RSRC1: variants seen among roughly 807,000 people sequenced by gnomAD.
RSRC1 encodes the protein arginine and serine rich coiled-coil 1, also known as serine/Arginine-related protein 53.
Under a neutral mutation model 49.1 loss-of-function variants are expected in RSRC1, and 39 were observed. That is an observed-to-expected ratio of 0.79 (90% CI 0.61 to 1.04). RSRC1 has a LOEUF of 1.04. Ranked by LOEUF, RSRC1 falls within the 50% of genes least tolerant of loss-of-function variation. RSRC1 has a pLI of 0.00. For synonymous variants in RSRC1, 143 were observed against 130.8 expected (o/e 1.09, Z -0.63); for missense variants, 388 against 402.4 (o/e 0.96, Z 0.31).
chr3:158,325,886 G>T (rs1172611828), intron 5 of RSRC1, among the ~76,000 whole-genome samples: 3 of 152,102 alleles, frequency 2.0e-5, no homozygotes, highest in Non-Finnish European at 4.4e-5. Flanking sequence ...CCATTTGTTT[G>T]TATCCTCTTT....
Position 158,509,829 on chromosome 3 carries a change from G to C in RSRC1, c.653-27263G>C, listed in dbSNP as rs79942750. Among the ~76,000 whole-genome samples, 38 of 152,160 alleles carry C rather than the reference G, an allele frequency of 2.5e-4. No individual in the cohort carries two copies. In the East Asian group the frequency reaches 4.2e-3, roughly 17 times the overall value. ...TTTTTAGACTGTACCAAAACTTACT[G>C]ATTCTCTTGTTGATGCACGTTTGGT... On this transcript the variant is annotated intron_variant, in intron 7 of 9. Coordinates refer to ENST00000611884, the MANE Select transcript of RSRC1 (RefSeq NM_001271838.2).
intron 5 of RSRC1, among the ~76,000 whole-genome samples, chr3:158,329,310 G>T (rs1729393493): frequency 6.6e-6 from 1 of 152,262 alleles, no homozygotes; most frequent in African/African-American, 2.4e-5. Context: ...GGGGAGAGGT[G>T]CTCTGATTTT....
rs188400433 is a variant in RSRC1, at chr3:158,388,558, G to A, written c.583+33650G>A. Among the ~76,000 whole-genome samples the A allele has an allele frequency of 1.1e-4, 16 of 151,638 alleles. No homozygotes were observed. The East Asian group carries it at 2.3e-3, about 22-fold the overall frequency. ...CTAGGACCCTAGGTAATAAAAGTAG[G>A]TCTGTTTTGACAATTTACCAGGCAT... On this transcript the variant is annotated intron_variant, in intron 6 of 9. Coordinates refer to ENST00000611884, the MANE Select transcript of RSRC1 (RefSeq NM_001271838.2).
intron 4 of RSRC1, among the ~76,000 whole-genome samples, chr3:158,245,988 C>A (rs116699017): frequency 2.0e-5 from 3 of 152,026 alleles, no homozygotes; most frequent in Admixed American, 1.3e-4. Flanking sequence ...GATTCTGTAT[C>A]CATCTTGCCA....
chr3:158,272,273 T>C (rs1434132813), intron 4 of RSRC1, among the ~76,000 whole-genome samples: 1 of 152,164 alleles, frequency 6.6e-6, no homozygotes, highest in East Asian at 1.9e-4. Context: ...AATAACAGTG[T>C]AATGTACCAT....
At position 158,139,871 on chromosome 3, in the gene RSRC1, A is replaced by G. The variant is rs536647062; in HGVS notation, c.320+15880A>G. Among the ~76,000 whole-genome samples, 165 of 152,232 alleles carry G rather than the reference A, an allele frequency of 1.1e-3. 1 individual carries two copies. Among genetic ancestry groups the G allele is most frequent in the Non-Finnish European group, 2.0e-3 (137 of 68,016 alleles). ...GCTGGTCTTGAACTGGTCTCAAGTA[A>G]TCTGCCCGCCTTGGCCTCCCAAAGT... is the stretch of plus-strand genomic sequence containing the variant. On this transcript the variant is annotated intron_variant, in intron 3 of 9. Coordinates refer to ENST00000611884, the MANE Select transcript of RSRC1 (RefSeq NM_001271838.2).
intron 3 of RSRC1, among the ~76,000 whole-genome samples, chr3:158,166,896 A>G (rs561658298): frequency 2.2e-4 from 34 of 152,344 alleles, no homozygotes; most frequent in African/African-American, 7.0e-4. Context: ...CTTGTTTACA[A>G]TAAGTACCCG....
chr3:158,445,645 T>C (rs780077897), intron 6 of RSRC1, among the ~76,000 whole-genome samples: 7 of 151,658 alleles, frequency 4.6e-5, no homozygotes, highest in Non-Finnish European at 8.8e-5. Flanking sequence ...CTCGAACTTA[T>C]AACAACAACA....
chr3:158,164,404 TA>T (rs900218469), intron 3 of RSRC1, among the ~76,000 whole-genome samples: 1 of 152,116 alleles, frequency 6.6e-6, no homozygotes, highest in African/African-American at 2.4e-5. Flanking sequence ...TTTGATTTTT[TA>T]AATATTAAGA....
intron 3 of RSRC1, among the ~76,000 whole-genome samples, chr3:158,179,856 C>G (rs1404937536): frequency 6.6e-6 from 1 of 152,132 alleles, no homozygotes; most frequent in Non-Finnish European, 1.5e-5. Context: ...CCCAGTAGCA[C>G]TATATGAGCT....
intron 4 of RSRC1, among the ~76,000 whole-genome samples, chr3:158,214,815 T>G (rs541010063): frequency 6.6e-6 from 1 of 151,870 alleles, no homozygotes; most frequent in Admixed American, 6.6e-5. Context: ...CTCTTATAAA[T>G]TAGTTAAGGT....
At chr3:158,226,003 A>C (rs901476286) in intron 4 of RSRC1, among the ~76,000 whole-genome samples, 3 of 152,018 alleles carry the variant, frequency 2.0e-5, no homozygotes, top group Admixed American at 1.3e-4. Context: ...CCAGGCCTCT[A>C]ATGAAGCAAA....
intron 4 of RSRC1, among the ~76,000 whole-genome samples, chr3:158,269,351 T>A (rs1725376772): frequency 6.6e-6 from 1 of 152,234 alleles, no homozygotes; most frequent in Non-Finnish European, 1.5e-5. Context: ...TTATGGTGTA[T>A]GATATATGAG....
chr3:158,394,140 C>A (rs967879560), intron 6 of RSRC1, among the ~76,000 whole-genome samples: 1 of 151,702 alleles, frequency 6.6e-6, no homozygotes, highest in Non-Finnish European at 1.5e-5. Flanking sequence ...ACTAGGCATT[C>A]ACGGGATATA....
intron 4 of RSRC1, among the ~76,000 whole-genome samples, chr3:158,285,490 C>T (rs1726471991): frequency 6.6e-6 from 1 of 152,144 alleles, no homozygotes; most frequent in African/African-American, 2.4e-5. Context: ...TGGGCTATGG[C>T]CATTTTCACG....
chr3:158,124,713 T>C (rs1715503418), intron 3 of RSRC1, among the ~76,000 whole-genome samples: 1 of 152,188 alleles, frequency 6.6e-6, no homozygotes, highest in Non-Finnish European at 1.5e-5. Flanking sequence ...GCATTCTTAG[T>C]AGTCTTTTAT....
intron 6 of RSRC1, among the ~76,000 whole-genome samples, chr3:158,381,604 A>T (rs967112846): frequency 1.8e-4 from 27 of 152,188 alleles, no homozygotes; most frequent in Non-Finnish European, 7.4e-5. Flanking sequence ...ATACAAACCT[A>T]GGTGGTATAA....
At chr3:158,162,574 G>A (rs1207171693) in intron 3 of RSRC1, among the ~76,000 whole-genome samples, 5 of 152,090 alleles carry the variant, frequency 3.3e-5, no homozygotes, top group Non-Finnish European at 5.9e-5. Flanking sequence ...TAAAATCTAA[G>A]CCTTTGCATT....
intron 6 of RSRC1, among the ~76,000 whole-genome samples, chr3:158,445,519 G>A (rs535748302): frequency 6.6e-5 from 10 of 152,192 alleles, no homozygotes; most frequent in South Asian, 6.2e-4. Context: ...TGGGGGTAGC[G>A]GGGAGGGACA....
Sources: gnomAD v4.1 joint callset for allele counts (sites outside exome capture counted in the v4.1 genomes callset) on GRCh38, gnomAD v4.1.1 for gene constraint, MANE v1.5 for transcripts, NCBI Gene and HGNC (gene_info 2026-07-23, HGNC 2026-07-21) for gene names.